MIOS: variants seen among roughly 807,000 people sequenced by gnomAD.
MIOS encodes the protein meiosis regulator for oocyte development.
A neutral mutation model predicts 96.9 loss-of-function variants in MIOS; 52 were observed. The ratio of observed to expected loss-of-function variants is 0.54; its 90% confidence interval spans 0.43 to 0.68. MIOS has a LOEUF of 0.68. Among genes scored for constraint, MIOS ranks in the 30% least tolerant of loss-of-function variants. The pLI, the probability that MIOS is intolerant of heterozygous loss-of-function variation, is 0.00. For synonymous variants in MIOS, 397 were observed against 359.5 expected (o/e 1.10, Z -1.18); for missense variants, 1,005 against 1,052.8 (o/e 0.95, Z 0.63).
In MIOS at chr7:7,573,636, A is replaced by C; in HGVS notation, c.1161A>C (p.Glu387Asp). The C allele has an allele frequency of 6.2e-7, 1 of 1,614,080 alleles. No individual in the cohort carries two copies. Among genetic ancestry groups the C allele is most frequent in the South Asian group, 1.1e-5 (1 of 91,082 alleles). The change falls in exon 4 of 13, where the codon GAA becomes GAC. Residue 387 changes from glutamate to aspartate, a missense_variant. Glu to Asp is a conservative substitution (Grantham distance 45, BLOSUM62 2). Transcript: ENST00000340080. The surrounding 1 kb of genome is among the most constrained non-coding windows in gnomAD (Gnocchi z 5.0). ...CTEEENDNSL[E>D]KDIATKMRLR... Reference sequence around the variant, plus strand: ...AAGAAGAAAATGATAATTCTTTAGAAAAAGATATAGCAACGAAGATGCGTC... The same window carrying C: ...AAGAAGAAAATGATAATTCTTTAGACAAAGATATAGCAACGAAGATGCGTC...
intron 5 of MIOS, among the ~76,000 whole-genome samples, chr7:7,576,947 A>C (rs150704227): frequency 6.6e-6 from 1 of 152,176 alleles, no homozygotes; most frequent in Non-Finnish European, 1.5e-5. Context: ...TAAGTATGTT[A>C]ATTAGGAATA....
chr7:7,603,717 T>C (rs1251050571), intron 11 of MIOS, among the ~76,000 whole-genome samples: 2 of 152,210 alleles, frequency 1.3e-5, no homozygotes, highest in Non-Finnish European at 2.9e-5. Context: ...ACTGGGTATA[T>C]ACCCAAAGGA....
chr7:7,606,896 G>A, intron 12 of MIOS, 100 bp from the exon 13 acceptor site: 2 of 942,592 alleles, frequency 2.1e-6, no homozygotes, highest in Non-Finnish European at 3.2e-6. Flanking sequence ...GTACAGCCTG[G>A]GAAATATAGG....
chr7:7,567,679 A>G lies in MIOS; in HGVS notation c.-148A>G, dbSNP rs928380696. 2 of 152,174 alleles carry G rather than the reference A, an allele frequency of 1.3e-5. No homozygotes were observed. The highest frequency in any genetic ancestry group is 4.8e-5 in the African/African-American group (2 of 41,432). The allele number at this position is 152,174 out of a possible 1,614,324, so 9.4% of individuals were successfully genotyped here. On this transcript the variant is annotated 5_prime_UTR_variant, in exon 2 of 13. Coordinates refer to ENST00000340080, the MANE Select transcript of MIOS (RefSeq NM_019005.4). ...GAAATTTCTTGAAACCGCTCTCGTA[A>G]TTTGCCACGGTAAGAAAAGTAAAAG...
At chr7:7,576,075 A>G (rs925161126) in intron 5 of MIOS, among the ~76,000 whole-genome samples, 26 of 152,150 alleles carry the variant, frequency 1.7e-4, no homozygotes, top group African/African-American at 6.0e-4. Context: ...CAGTAACCTA[A>G]TACACAAGTT....
rs1246161554 is a variant in MIOS at position 7,607,883 on chromosome 7, A to G, written c.*791A>G. 2 of 152,142 alleles carry G rather than the reference A, an allele frequency of 1.3e-5. No individual in the cohort carries two copies. The highest frequency in any genetic ancestry group is 4.8e-5 in the African/African-American group (2 of 41,454). 9.4% of individuals were successfully genotyped at this position (152,142 alleles called of 1,614,324 possible). Reference sequence around the variant, plus strand: ...CTTCCAATGTCCTGATTTGTCTTCAAAGGTTTTTCTCCATATTAATTTGTC... The same window carrying G: ...CTTCCAATGTCCTGATTTGTCTTCAGAGGTTTTTCTCCATATTAATTTGTC... On this transcript the variant is annotated 3_prime_UTR_variant, in exon 13 of 13. Coordinates refer to ENST00000340080, the MANE Select transcript of MIOS (RefSeq NM_019005.4).
chr7:7,587,717 T>A, intron 7 of MIOS, among the ~76,000 whole-genome samples: 1 of 151,980 alleles, frequency 6.6e-6, no homozygotes, highest in Non-Finnish European at 1.5e-5. Flanking sequence ...CCATATTTTA[T>A]CATAGAAAAA....
At position 7,573,680 on chromosome 7, in the gene MIOS, A is replaced by T. The variant is rs1424017360; in HGVS notation, c.1205A>T (p.Tyr402Phe). 1.8e-5 allele frequency: 29 copies of T among 1,613,782 alleles called. No individual in the cohort carries two copies. Among genetic ancestry groups the T allele is most frequent in the African/African-American group, 2.7e-5 (2 of 74,928 alleles). ...TKMRLRALSR[Y>F]GLDTEQVWRN... is the part of the protein sequence containing the mutation. ...ATGCGTCTTCGGGCTTTATCAAGGT[A>T]TGGACTTGATACAGAGCAGGTGTGG... is the stretch of plus-strand genomic sequence containing the variant. The change falls in exon 4 of 13, where the codon TAT becomes TTT. Residue 402 changes from tyrosine to phenylalanine, a missense_variant. Tyr to Phe is a conservative substitution (Grantham distance 22). Around this residue, in one of 3 missense-constraint regions of MIOS, gnomAD observed 865 missense variants for 887.9 expected, o/e 0.97. Coordinates refer to ENST00000340080, the MANE Select transcript of MIOS (RefSeq NM_019005.4). The surrounding 1 kb of genome is among the most constrained non-coding windows in gnomAD (Gnocchi z 5.0).
chr7:7,570,046 A>G (rs1288790014), intron 3 of MIOS, among the ~76,000 whole-genome samples: 1 of 152,214 alleles, frequency 6.6e-6, no homozygotes, highest in East Asian at 1.9e-4. Flanking sequence ...TAGCCTGGTC[A>G]AGGTTGTGTT....
chr7:7,568,375 T>C (rs1254336553), intron 3 of MIOS, among the ~76,000 whole-genome samples: 2 of 152,210 alleles, frequency 1.3e-5, no homozygotes, highest in African/African-American at 4.8e-5. Context: ...GGATCTGAGC[T>C]GGGGAGTGGC....
At chr7:7,604,006 G>A (rs1275069383) in intron 11 of MIOS, among the ~76,000 whole-genome samples, 2 of 143,622 alleles carry the variant, frequency 1.4e-5, no homozygotes, top group Non-Finnish European at 3.0e-5. Flanking sequence ...GGCGGGAATT[G>A]AACAATTTGA....
At chr7:7,604,639 C>T (rs1013219895) in intron 11 of MIOS, among the ~76,000 whole-genome samples, 3 of 152,122 alleles carry the variant, frequency 2.0e-5, no homozygotes, top group African/African-American at 4.8e-5. Context: ...ACTCTAGTTT[C>T]GCCTAAAGTG....
chr7:7,597,178 T>G (rs1784226827), intron 11 of MIOS, among the ~76,000 whole-genome samples: 1 of 151,276 alleles, frequency 6.6e-6, no homozygotes, highest in Non-Finnish European at 1.5e-5. Flanking sequence ...TACAAAAAAT[T>G]AGCCGGGCGT....
chr7:7,569,870 G>A (rs28564742), intron 3 of MIOS, among the ~76,000 whole-genome samples: 4,509 of 152,244 alleles, frequency 0.03, 218 homozygotes, highest in African/African-American at 0.1. Flanking sequence ...ATGGTGATGA[G>A]GGAGGAGGGT....
At chr7:7,596,964 G>A (rs1249359314) in intron 11 of MIOS, among the ~76,000 whole-genome samples, 2 of 152,134 alleles carry the variant, frequency 1.3e-5, no homozygotes, top group Admixed American at 1.3e-4. Flanking sequence ...AGAGGCCAGG[G>A]TGGAAGGATT....
At position 7,585,681 on chromosome 7, in the gene MIOS, C is replaced by A. The variant is rs753727936; in HGVS notation, c.1694C>A (p.Thr565Lys). The A allele has an allele frequency of 6.2e-7, 1 of 1,606,848 alleles. No individual in the cohort carries two copies. The highest frequency in any genetic ancestry group is 8.5e-7 in the Non-Finnish European group (1 of 1,176,910). The change falls in exon 7 of 13, where the codon ACG becomes AAG. Residue 565 changes from threonine to lysine, a missense_variant. This residue lies in a region of MIOS where 865 missense variants were observed against 887.9 expected (regional missense o/e 0.97). Coordinates refer to ENST00000340080, the MANE Select transcript of MIOS (RefSeq NM_019005.4). ...NVVAMALSGY[T>K]DEKNSLWREM... is the part of the protein sequence containing the mutation. ...GTAGCAATGGCTTTATCGGGTTATA[C>A]GGATGAGAAGAACTCCCTTTGGAGA...
chr7:7,570,973 A>T (rs923386071), intron 3 of MIOS, among the ~76,000 whole-genome samples: 2 of 152,212 alleles, frequency 1.3e-5, no homozygotes, highest in African/African-American at 4.8e-5. Flanking sequence ...GGTAATTCCC[A>T]ACTGAAACTT....
chr7:7,604,282 G>A (rs1449092882), intron 11 of MIOS, among the ~76,000 whole-genome samples: 2 of 152,022 alleles, frequency 1.3e-5, no homozygotes, highest in Middle Eastern at 3.2e-3. Flanking sequence ...TGCTTTGCCT[G>A]CAATCAGAGA....
intron 5 of MIOS, among the ~76,000 whole-genome samples, chr7:7,580,878 G>C (rs1447301594): frequency 1.3e-5 from 2 of 149,752 alleles, no homozygotes; most frequent in East Asian, 4.0e-4. Flanking sequence ...GTAGAGACCG[G>C]GTTTTGCCAT....
Sources: gnomAD v4.1 joint callset for allele counts (sites outside exome capture counted in the v4.1 genomes callset) on GRCh38, gnomAD v4.1.1 for gene constraint, gnomAD v4.1.1 regional missense constraint, Gnocchi (gnomAD v3.1) non-coding constraint, MANE v1.5 for transcripts, NCBI Gene and HGNC (gene_info 2026-07-23, HGNC 2026-07-21) for gene names.